AUTS2: variants seen among roughly 807,000 people sequenced by gnomAD.
AUTS2 encodes autism susceptibility gene 2 protein.
In AUTS2, 17 loss-of-function variants were observed where a neutral mutation model predicts 112.4. That is an observed-to-expected ratio of 0.15 (90% CI 0.10 to 0.23). The LOEUF (loss-of-function observed/expected upper bound fraction) is 0.23, where lower values mean the gene tolerates loss of function less well. Among genes scored for constraint, AUTS2 ranks in the 10% least tolerant of loss-of-function variants. The pLI, the probability that AUTS2 is intolerant of heterozygous loss-of-function variation, is 1.00. For missense variants in AUTS2, 1,510 were observed against 1,701.6 expected (o/e 0.89, Z 1.98); for synonymous variants, 751 against 702.7 (o/e 1.07, Z -1.09).
chr7:69,899,599 G>C, intron 2 of AUTS2, 101 bp downstream of exon 2: 1 of 1,115,254 alleles, frequency 9.0e-7, no homozygotes, highest in Non-Finnish European at 1.3e-6. Flanking sequence ...AGATATCCTT[G>C]GTGGGATGCT....
Position 70,118,007 on chromosome 7 carries a change from G to A in AUTS2, c.523-125G>A, listed in dbSNP as rs377392915. 9.3e-5 allele frequency: 113 copies of A among 1,209,482 alleles called. No homozygotes were observed. The East Asian group carries it at 9.5e-4, about 10-fold the overall frequency. 74.9% of individuals were successfully genotyped at this position (1,209,482 alleles called of 1,614,324 possible). A position where few individuals can be genotyped will look rare whatever the true frequency, so the allele number is the denominator to read the frequency against. ...TCGTGATCCTCCTACCTCTGCCTCC[G>A]AAAGTGCTGGGATTACAGGCGTGAG... On this transcript the variant is annotated intron_variant, in intron 2 of 18. Coordinates refer to ENST00000342771, the MANE Select transcript of AUTS2 (RefSeq NM_015570.4).
chr7:70,227,147 A>T (rs534209553), intron 4 of AUTS2, among the ~76,000 whole-genome samples: 103 of 152,276 alleles, frequency 6.8e-4, no homozygotes, highest in Non-Finnish European at 1.0e-3. Context: ...CATTTAATAC[A>T]GTCTTATATG....
At chr7:69,907,113 A>G (rs1047096579) in intron 2 of AUTS2, among the ~76,000 whole-genome samples, 5 of 152,220 alleles carry the variant, frequency 3.3e-5, no homozygotes, top group African/African-American at 1.2e-4. Context: ...TCTCCAAAAA[A>G]GAAAACCACA....
chr7:70,117,100 TTTTG>T (rs1805395316), intron 2 of AUTS2, among the ~76,000 whole-genome samples: 1 of 123,400 alleles, frequency 8.1e-6, no homozygotes, highest in African/African-American at 3.4e-5. Context: ...ATGAGATGAC[TTTTG>T]TTTTTTTTTT....
At chr7:69,831,945 T>A (rs1791518420) in intron 1 of AUTS2, among the ~76,000 whole-genome samples, 1 of 152,246 alleles carries the variant, frequency 6.6e-6, no homozygotes, top group African/African-American at 2.4e-5. Context: ...TGTCATTGAC[T>A]TAATTTTCAG....
intron 1 of AUTS2, among the ~76,000 whole-genome samples, chr7:69,710,367 A>G (rs1008717763): frequency 9.2e-5 from 14 of 152,210 alleles, no homozygotes; most frequent in African/African-American, 3.1e-4. Context: ...TGTATGTTCT[A>G]GTTATAAAAT....
chr7:70,684,762 C>T (rs569285989), intron 5 of AUTS2, among the ~76,000 whole-genome samples: 1 of 152,232 alleles, frequency 6.6e-6, no homozygotes, highest in South Asian at 2.1e-4. Context: ...CTATAATCCT[C>T]ATTCCTTCAC....
At chr7:70,003,469 TTATATATGAATATATATAA>T (rs1188069013) in intron 2 of AUTS2, among the ~76,000 whole-genome samples, 16 of 124,730 alleles carry the variant, frequency 1.3e-4, no homozygotes, top group African/African-American at 2.9e-4. Context: ...TATGAATATG[TTATATATGAATATATATAA>T]TATATATGAA....
intron 5 of AUTS2, among the ~76,000 whole-genome samples, chr7:70,506,572 G>C (rs1181065874): frequency 6.6e-6 from 1 of 152,142 alleles, no homozygotes; most frequent in African/African-American, 2.4e-5. Context: ...GGGAGGGAGG[G>C]AGAGGGAGAG....
At chr7:70,491,913 C>T (rs924932534) in intron 5 of AUTS2, among the ~76,000 whole-genome samples, 1 of 152,100 alleles carries the variant, frequency 6.6e-6, no homozygotes, top group Non-Finnish European at 1.5e-5. Context: ...CCGCACCCGG[C>T]CAAATGAGTT....
At chr7:70,514,172 C>T (rs1038368653) in intron 5 of AUTS2, among the ~76,000 whole-genome samples, 7 of 152,162 alleles carry the variant, frequency 4.6e-5, no homozygotes, top group Non-Finnish European at 8.8e-5. Context: ...ATAAACCATA[C>T]TTTATTAATC....
In AUTS2 at chr7:70,041,729, T is replaced by C. The variant is rs537099624; in HGVS notation, c.523-76403T>C. Reference sequence around the variant, plus strand: ...ATCTGAGCCTTTTCTGCCCCTAAGATTCTGTGATTCTATAATCAGAAATAG... The same window carrying C: ...ATCTGAGCCTTTTCTGCCCCTAAGACTCTGTGATTCTATAATCAGAAATAG... On this transcript the variant is annotated intron_variant, in intron 2 of 18. Transcript: ENST00000342771. 3.9e-5 allele frequency among the ~76,000 whole-genome samples: 6 copies of C among 152,334 alleles called. No homozygotes were observed. In the South Asian group the frequency reaches 1.2e-3, roughly 32 times the overall value.
intron 2 of AUTS2, among the ~76,000 whole-genome samples, chr7:69,951,633 T>A (rs1419524365): frequency 6.6e-6 from 1 of 152,168 alleles, no homozygotes; most frequent in Non-Finnish European, 1.5e-5. Context: ...ACTTTTATGC[T>A]TTTTAAAATG....
At chr7:69,928,572 CATGACCCTG>C (rs1397989869) in intron 2 of AUTS2, among the ~76,000 whole-genome samples, 4 of 152,218 alleles carry the variant, frequency 2.6e-5, no homozygotes, top group Non-Finnish European at 5.9e-5. Context: ...GGTATACCAG[CATGACCCTG>C]AGTGTGCACA....
At chr7:70,175,739 T>A (rs1397360644) in intron 4 of AUTS2, among the ~76,000 whole-genome samples, 1 of 152,218 alleles carries the variant, frequency 6.6e-6, no homozygotes, top group Non-Finnish European at 1.5e-5. Flanking sequence ...TGTTAGCATA[T>A]TTTTAGCAAT....
chr7:70,526,400 G>A (rs1004031820), intron 5 of AUTS2, among the ~76,000 whole-genome samples: 3 of 152,174 alleles, frequency 2.0e-5, no homozygotes, highest in South Asian at 2.1e-4. Flanking sequence ...GGCCGTGTGC[G>A]GTGGCTTACA....
chr7:70,086,256 A>C (rs1420623156), intron 2 of AUTS2, among the ~76,000 whole-genome samples: 1 of 152,218 alleles, frequency 6.6e-6, no homozygotes, highest in Non-Finnish European at 1.5e-5. Context: ...ACCAATTTCA[A>C]AAAATTGATA....
intron 4 of AUTS2, among the ~76,000 whole-genome samples, chr7:70,351,153 C>T (rs1791739572): frequency 1.3e-5 from 2 of 151,666 alleles, no homozygotes; most frequent in Admixed American, 6.6e-5. Context: ...CAGGCTCAAG[C>T]GATTCTCCTT....
intron 5 of AUTS2, among the ~76,000 whole-genome samples, chr7:70,678,358 GAC>G (rs1427818952): frequency 6.6e-6 from 1 of 152,190 alleles, no homozygotes; most frequent in African/African-American, 2.4e-5. Flanking sequence ...AGATTTTGAT[GAC>G]ATGAAGAGGC....
Sources: allele counts gnomAD v4.1 joint callset (sites outside exome capture counted in the v4.1 genomes callset), GRCh38; gene constraint gnomAD v4.1.1; transcripts MANE v1.5; gene names NCBI Gene and HGNC (gene_info 2026-07-23, HGNC 2026-07-21).